The following SLC19A1 variants were observed in gnomAD, a reference collection of about 807,000 sequenced individuals.
SLC19A1 encodes the protein solute carrier family 19 member 1.
In SLC19A1, 37 loss-of-function variants were observed where a neutral mutation model predicts 35.3. That is an observed-to-expected ratio of 1.05 (90% CI 0.81 to 1.38). The LOEUF (loss-of-function observed/expected upper bound fraction) is 1.38, where lower values mean the gene tolerates loss of function less well. Among genes scored for constraint, SLC19A1 ranks in the 40% most tolerant of loss-of-function variants. The pLI is 0.00. For synonymous variants in SLC19A1, 460 were observed against 398.5 expected, an observed-to-expected ratio of 1.15 and a Z score of -1.84; for missense variants, 831 against 826.9, an observed-to-expected ratio of 1.00 and a Z score of -0.06.
intron 1 of SLC19A1, among the ~76,000 whole-genome samples, chr21:45,558,891 C>A (rs1221496155): frequency 1.3e-5 from 2 of 151,560 alleles, no homozygotes; most frequent in Non-Finnish European, 2.9e-5. Context: ...TGACTACAAC[C>A]TCTGCCTCCC....
At chr21:45,522,763 C>A (rs560982553) in intron 5 of SLC19A1, among the ~76,000 whole-genome samples, 3 of 152,174 alleles carry the variant, frequency 2.0e-5, no homozygotes, top group Admixed American at 6.5e-5. Context: ...CGTGTTTATA[C>A]AACACTCCTG....
chr21:45,504,083 C>T (rs768956613), intron 3 of SLC19A1: 22 of 1,611,342 alleles, frequency 1.4e-5, no homozygotes, highest in Non-Finnish European at 1.7e-5. Context: ...GGGTTGGGGG[C>T]CCCCAAGGTC....
Position 45,530,856 on chromosome 21 carries a change from G to C in SLC19A1, c.1065C>G (p.His355Gln). ...GCCAGATGCTGCTCGGGTGGCGCGTGTGCGCCAGAAGGAAGACCAGCCCCG... is the reference window on the plus strand; with the variant it reads ...GCCAGATGCTGCTCGGGTGGCGCGTCTGCGCCAGAAGGAAGACCAGCCCCG... Reference protein sequence around the residue: ...TQAGLVFLLAHTRHPSSIWLC... With the variant: ...TQAGLVFLLAQTRHPSSIWLC... Residue 355 changes from histidine (H) to glutamine (Q), a missense_variant, in exon 4 of 6, where the codon CAC becomes CAG. His to Gln is a conservative substitution (Grantham distance 24). Coordinates refer to ENST00000311124, the MANE Select transcript of SLC19A1 (RefSeq NM_194255.4). The surrounding 1 kb of genome is among the most constrained non-coding windows in gnomAD (Gnocchi z 5.3). The C allele has an allele frequency of 6.7e-7, 1 of 1,500,380 alleles. No homozygotes were observed. Among genetic ancestry groups the C allele is most frequent in the South Asian group, 1.3e-5 (1 of 77,160 alleles). 92.9% of individuals were successfully genotyped at this position (1,500,380 alleles called of 1,614,324 possible).
chr21:45,532,184 A>T, intron 2 of SLC19A1, 36 bp from the exon 3 acceptor site: 1 of 1,520,148 alleles, frequency 6.6e-7, no homozygotes, highest in Non-Finnish European at 8.9e-7. Context: ...ACCAGGTGTT[A>T]GCAATGCTGC....
intron 2 of SLC19A1, among the ~76,000 whole-genome samples, chr21:45,532,637 G>A (rs911633084): frequency 2.0e-5 from 3 of 152,022 alleles, no homozygotes; most frequent in Admixed American, 6.5e-5. Context: ...GTTTCACCAT[G>A]TTGGGCAGGC....
chr21:45,515,872 C>T lies in SLC19A1; in HGVS notation c.1562G>A (p.Ser521Asn). The part of the protein sequence containing the change: ...VGPASLEQRQ[S>N]DPYLAQAPAP... The stretch of plus-strand genomic sequence containing the variant: ...CGGGGCCTGGGCCAGGTATGGGTCG[C>T]TCTGTCTCTGCTCCAGGGAGGCTGG... Residue 521 changes from serine to asparagine, a missense_variant, in exon 6 of 6, where the codon AGC (serine) becomes AAC (asparagine). Transcript: ENST00000311124. 6.3e-7 allele frequency: 1 copy of T among 1,579,088 alleles called. No individual in the cohort carries two copies. The highest frequency in any genetic ancestry group is 8.6e-7 in the Non-Finnish European group (1 of 1,161,814).
intron 1 of SLC19A1, among the ~76,000 whole-genome samples, chr21:45,561,992 A>G (rs1276483636): frequency 2.0e-5 from 3 of 149,768 alleles, no homozygotes; most frequent in Non-Finnish European, 1.5e-5. Context: ...TTAGCTGGGC[A>G]TGGTGGCGGG....
At chr21:45,535,108 T>C (rs915238956) in intron 2 of SLC19A1, among the ~76,000 whole-genome samples, 4 of 152,274 alleles carry the variant, frequency 2.6e-5, no homozygotes, top group South Asian at 4.1e-4. Flanking sequence ...CAACAGGGGC[T>C]GGCTGGGGAC....
At chr21:45,512,152 G>A (rs1602666881), downstream of SLC19A1, 1 of 1,592,172 alleles carries the variant, frequency 6.3e-7, no homozygotes, top group South Asian at 1.1e-5. Context: ...AGCAGAGCAG[G>A]TCTGGGTTTG....
intron 3 of SLC19A1, chr21:45,505,111 G>T: frequency 6.2e-7 from 1 of 1,604,556 alleles, no homozygotes; most frequent in Non-Finnish European, 8.5e-7. Context: ...TAACCAGGAA[G>T]CGTCTCTTGT....
intron 3 of SLC19A1, chr21:45,505,046 G>A (rs1306725793): frequency 5.9e-6 from 9 of 1,521,852 alleles, no homozygotes; most frequent in Admixed American, 1.9e-5. Context: ...TCGCCAAGGG[G>A]GTCTTGGCAG....
downstream of SLC19A1, chr21:45,510,011 G>A: frequency 6.6e-7 from 1 of 1,526,420 alleles, no homozygotes; most frequent in Non-Finnish European, 8.8e-7. Context: ...CCCGGGGCCT[G>A]GGTGCAGGGG....
chr21:45,504,391 G>A lies in SLC19A1; in HGVS notation c.498-5779C>T, dbSNP rs374314336. 89 of 1,607,146 alleles carry A rather than the reference G, an allele frequency of 5.5e-5. 1 individual carries two copies. The East Asian group carries it at 6.7e-4, about 12-fold the overall frequency. ...TGGCTTGTAGGGGTTCAGGGCTCCC[G>A]TGTAACAAGTGTTTCCGTCCACAGG... On this transcript the variant is annotated intron_variant, in intron 3 of 4. Transcript: ENST00000417954.
chr21:45,539,165 T>C (rs2078226820), intron 1 of SLC19A1, among the ~76,000 whole-genome samples: 1 of 152,090 alleles, frequency 6.6e-6, no homozygotes, highest in African/African-American at 2.4e-5. Context: ...CATAAACAAG[T>C]GTGTCAGACG....
downstream of SLC19A1, among the ~76,000 whole-genome samples, chr21:45,510,881 C>A (rs35220265): frequency 6.6e-6 from 1 of 151,236 alleles, no homozygotes; most frequent in Non-Finnish European, 1.5e-5. Context: ...CTGGCTCCCC[C>A]ACGCTTGTTC....
At chr21:45,502,965 G>A (rs188887317) in intron 3 of SLC19A1, 5 of 152,318 alleles carry the variant, frequency 3.3e-5, no homozygotes, top group African/African-American at 4.8e-5. Context: ...AACCACCACC[G>A]AGTCCTAAGC....
intron 4 of SLC19A1, among the ~76,000 whole-genome samples, chr21:45,527,818 T>C (rs2077699536): frequency 1.3e-5 from 2 of 150,604 alleles, no homozygotes; most frequent in Admixed American, 1.3e-4. Flanking sequence ...AGCGGTGGCA[T>C]GAACATGTCC....
At chr21:45,505,288 T>C (rs776971649) in intron 3 of SLC19A1, 1 of 1,606,958 alleles carries the variant, frequency 6.2e-7, no homozygotes, top group Non-Finnish European at 8.5e-7. Context: ...AGTAAGTCAG[T>C]GGGGAGTGGG....
chr21:45,553,318 C>G (rs567303523), intron 1 of SLC19A1, among the ~76,000 whole-genome samples: 1 of 152,128 alleles, frequency 6.6e-6, no homozygotes, highest in African/African-American at 2.4e-5. Flanking sequence ...GACACGACTC[C>G]AGGCCACATC....
Sources: allele counts gnomAD v4.1 joint callset (sites outside exome capture counted in the v4.1 genomes callset), GRCh38; gene constraint gnomAD v4.1.1; non-coding constraint Gnocchi (gnomAD v3.1); transcripts MANE v1.5; gene names NCBI Gene and HGNC (gene_info 2026-07-23, HGNC 2026-07-21).